Variants in PPP2R2D observed in about 807,000 individuals in gnomAD.
PPP2R2D encodes serine/threonine-protein phosphatase 2A 55 kDa regulatory subunit B delta isoform.
PPP2R2D carries 9 observed loss-of-function variants against 31.1 expected under a neutral mutation model. That is an observed-to-expected ratio of 0.29 (90% CI 0.17 to 0.51). The LOEUF (loss-of-function observed/expected upper bound fraction) is 0.51. Among genes scored for constraint, PPP2R2D ranks in the 20% least tolerant of loss-of-function variants. The pLI is 0.98. For missense variants in PPP2R2D, 391 were observed against 465.6 expected, an observed-to-expected ratio of 0.84 and a Z score of 1.48; for synonymous variants, 179 against 172.6, an observed-to-expected ratio of 1.04 and a Z score of -0.29.
At chr10:131,901,508 C>A (rs936374626) in intron 2 of PPP2R2D, among the ~76,000 whole-genome samples, 178 bp downstream of exon 2, 4 of 152,058 alleles carry the variant, frequency 2.6e-5, no homozygotes, top group African/African-American at 7.2e-5. Flanking sequence ...CCTCTGTCCG[C>A]TGTCCCGGCC....
At chr10:131,962,723 A>G (rs1260718211), downstream of PPP2R2D, among the ~76,000 whole-genome samples, 1 of 152,192 alleles carries the variant, frequency 6.6e-6, no homozygotes, top group East Asian at 1.9e-4. Context: ...ACTGGGCACC[A>G]ACCCCGCAGA....
rs370354230 is a variant in PPP2R2D at position 131,953,285 on chromosome 10, A to G, written c.1083-2399A>G. On this transcript the variant is annotated intron_variant, in intron 8 of 8. Coordinates refer to ENST00000455566, the MANE Select transcript of PPP2R2D (RefSeq NM_018461.5). ...CCTGTCTTAGCAGTGACTTGCAGGT[A>G]TGCGGGGGTTCACTGTCTTAGTGAC... Among the ~76,000 whole-genome samples, 102 of 57,872 alleles carry G rather than the reference A, an allele frequency of 1.8e-3. 5 individuals carry two copies. In the East Asian group the frequency reaches 0.032, roughly 18 times the overall value. 38.0% of individuals were successfully genotyped at this position (57,872 alleles called of 152,430 possible).
At chr10:131,968,488 A>G in the PPP2R2D span, 3 of 1,529,038 alleles carry the variant, frequency 2.0e-6, no homozygotes, top group Non-Finnish European at 2.7e-6. Context: ...CTCAGAAGTA[A>G]TCCACTAACG....
intron 2 of PPP2R2D, among the ~76,000 whole-genome samples, chr10:131,925,859 C>A (rs191715713): frequency 1.3e-5 from 2 of 152,222 alleles, no homozygotes; most frequent in Admixed American, 1.3e-4. Flanking sequence ...GAGGCCACCA[C>A]GCAGAGGTTG....
the PPP2R2D span, chr10:131,970,889 T>C: frequency 1.9e-6 from 3 of 1,614,280 alleles, no homozygotes; most frequent in Non-Finnish European, 2.5e-6. This position sits in a 1 kb window ranked among gnomAD's most constrained non-coding sequence, Gnocchi z 4.1. Context: ...TCCGGCCGAC[T>C]TGACCAATCC....
At chr10:131,948,211 G>A (rs2036576580) in intron 8 of PPP2R2D, among the ~76,000 whole-genome samples, 1 of 152,192 alleles carries the variant, frequency 6.6e-6, no homozygotes, top group Non-Finnish European at 1.5e-5. Context: ...TGCCTGTCAT[G>A]CCCAGACACA....
intron 2 of PPP2R2D, among the ~76,000 whole-genome samples, chr10:131,906,090 G>C (rs936345218): frequency 5.9e-5 from 9 of 152,104 alleles, no homozygotes; most frequent in Non-Finnish European, 1.0e-4. Context: ...ACACCTGCAC[G>C]TCAAGCAAGT....
the PPP2R2D span, chr10:131,968,104 T>A: frequency 6.4e-6 from 1 of 156,100 alleles, no homozygotes; most frequent in Admixed American, 6.3e-5. Flanking sequence ...AATATTTATT[T>A]TGGACAAACC....
At chr10:131,939,769 A>C in intron 3 of PPP2R2D, 1 of 239,450 alleles carries the variant, frequency 4.2e-6, no homozygotes, top group Middle Eastern at 1.3e-3. Flanking sequence ...GCTGCATTTG[A>C]CAGACCTGCT....
chr10:131,902,380 T>A (rs953795787), intron 2 of PPP2R2D, among the ~76,000 whole-genome samples: 1 of 152,128 alleles, frequency 6.6e-6, no homozygotes, highest in Non-Finnish European at 1.5e-5. Context: ...CCGTGAACTT[T>A]TACTCCCTCT....
At chr10:131,954,454 T>A (rs2036753869) in intron 8 of PPP2R2D, among the ~76,000 whole-genome samples, 7 of 152,258 alleles carry the variant, frequency 4.6e-5, no homozygotes, top group Admixed American at 4.6e-4. Context: ...GGCCCTCACG[T>A]GCCAACTTGG....
rs1053700648 is a variant in PPP2R2D at position 131,948,810 on chromosome 10, C to T, written c.1082+1019C>T. On this transcript the variant is annotated intron_variant, in intron 8 of 8. Transcript: ENST00000455566. ...CTTGGTAATTTTCAAGAGCTGAAGC[C>T]TTGGCCCACACGAGGTGTAGAGTTG... Among the ~76,000 whole-genome samples the T allele has an allele frequency of 2.0e-5, 3 of 152,202 alleles. No individual in the cohort carries two copies. The East Asian group carries it at 5.8e-4, about 29-fold the overall frequency.
chr10:131,955,731 G>A lies in PPP2R2D; in HGVS notation c.1130G>A (p.Arg377Lys), dbSNP rs558060643. ...SYNNFFRMFD[R>K]DTRRDVTLEA... ...AACAACTTCTTCAGGATGTTTGATA[G>A]AGACACGCGGAGGGATGTGACCCTG... Residue 377 changes from arginine to lysine, a missense_variant, in exon 9 of 9, where the codon AGA becomes AAA. Arg to Lys is a conservative substitution (Grantham distance 26). Transcript: ENST00000455566. 2.7e-6 allele frequency: 4 copies of A among 1,505,228 alleles called. No homozygotes were observed. The highest frequency in any genetic ancestry group is 4.1e-5 in the Admixed American group (2 of 49,336). The allele number at this position is 1,505,228 out of a possible 1,614,324, so 93.2% of individuals were successfully genotyped here. A position where few individuals can be genotyped will look rare whatever the true frequency, so the allele number is the denominator to read the frequency against.
At chr10:131,908,477 T>A (rs2035632537) in intron 2 of PPP2R2D, among the ~76,000 whole-genome samples, 1 of 152,200 alleles carries the variant, frequency 6.6e-6, no homozygotes, top group Non-Finnish European at 1.5e-5. Context: ...TGCTTGTGGT[T>A]CCCTTATTTT....
intron 3 of PPP2R2D, among the ~76,000 whole-genome samples, chr10:131,935,626 T>A (rs1279250801): frequency 1.3e-5 from 2 of 152,266 alleles, no homozygotes; most frequent in African/African-American, 4.8e-5. Flanking sequence ...AAGATTTTTT[T>A]AAATCCTGTT....
intron 2 of PPP2R2D, among the ~76,000 whole-genome samples, chr10:131,911,296 C>T (rs1032196704): frequency 3.1e-4 from 47 of 152,314 alleles, no homozygotes; most frequent in African/African-American, 1.1e-3. Flanking sequence ...GGAGAGGTCC[C>T]CACACCTCTG....
Position 131,901,667 on chromosome 10 carries a change from G to A in PPP2R2D, c.100+337G>A, listed in dbSNP as rs1255657669. ...CCCGGGGCTGCCTCCTGCCTGGGGC[G>A]GAACTGAGGAGACCGCGGCGGAGCC... is the stretch of plus-strand genomic sequence containing the variant. On this transcript the variant is annotated intron_variant, in intron 2 of 8. Coordinates refer to ENST00000455566, the MANE Select transcript of PPP2R2D (RefSeq NM_018461.5). 2.6e-5 allele frequency among the ~76,000 whole-genome samples: 4 copies of A among 152,312 alleles called. No homozygotes were observed. In the South Asian group the frequency reaches 6.2e-4, roughly 24 times the overall value.
intron 7 of PPP2R2D, among the ~76,000 whole-genome samples, chr10:131,946,965 A>G (rs2036554170): frequency 6.6e-6 from 1 of 152,154 alleles, no homozygotes; most frequent in African/African-American, 2.4e-5. Flanking sequence ...GGTTAAAATC[A>G]GGACCACAGC....
chr10:131,927,071 C>CCA (rs1405991274), intron 2 of PPP2R2D, among the ~76,000 whole-genome samples: 1 of 152,210 alleles, frequency 6.6e-6, no homozygotes, highest in Non-Finnish European at 1.5e-5. Flanking sequence ...GTGGCTTCTT[C>CCA]CACTGCAGGG....
Sources: gnomAD v4.1 joint callset for allele counts (sites outside exome capture counted in the v4.1 genomes callset) on GRCh38, gnomAD v4.1.1 for gene constraint, Gnocchi (gnomAD v3.1) non-coding constraint, MANE v1.5 for transcripts, NCBI Gene and HGNC (gene_info 2026-07-23, HGNC 2026-07-21) for gene names.